Variants in ANKRD11 observed in about 807,000 individuals in gnomAD.
ANKRD11 encodes the protein ankyrin repeat domain 11.
Under a neutral mutation model 195.7 loss-of-function variants are expected in ANKRD11, and 17 were observed. The observed-to-expected ratio is 0.09, with a 90% confidence interval of 0.06 to 0.13. The LOEUF (loss-of-function observed/expected upper bound fraction) is 0.13. Ranked by LOEUF, ANKRD11 falls within the 10% of genes least tolerant of loss-of-function variation. The probability of loss-of-function intolerance (pLI) is 1.00; values close to 1 mark genes in which losing one functional copy is unlikely to be tolerated. For synonymous variants in ANKRD11, 1,953 were observed against 1,528.1 expected (o/e 1.28, Z -6.49); for missense variants, 3,735 against 3,566.1 (o/e 1.05, Z -1.21).
At chr16:89,384,305 T>A (rs989193235) in intron 2 of ANKRD11, among the ~76,000 whole-genome samples, 1 of 152,078 alleles carries the variant, frequency 6.6e-6, no homozygotes, top group Non-Finnish European at 1.5e-5. Flanking sequence ...CCGAGTTGGG[T>A]GGATCACCTG....
At chr16:89,436,680 A>G (rs1220782603) in intron 1 of ANKRD11, among the ~76,000 whole-genome samples, 1 of 152,172 alleles carries the variant, frequency 6.6e-6, no homozygotes, top group African/African-American at 2.4e-5. Flanking sequence ...TCAGATACAA[A>G]ATAAAAAGTA....
intron 2 of ANKRD11, among the ~76,000 whole-genome samples, chr16:89,331,575 G>T (rs1256506295): frequency 6.6e-6 from 1 of 152,162 alleles, no homozygotes; most frequent in Non-Finnish European, 1.5e-5. Flanking sequence ...TGGGTGTGTG[G>T]TGACACTGAG....
chr16:89,280,527 T>C lies in ANKRD11; in HGVS notation c.6015A>G (p.Pro2005=). 6.2e-7 allele frequency: 1 copy of C among 1,609,480 alleles called. No homozygotes were observed. Residue 2005 remains proline, a synonymous_variant, in exon 9 of 13, where the codon CCA becomes CCG. Coordinates refer to ENST00000301030, the MANE Select transcript of ANKRD11 (RefSeq NM_013275.6). ...GCGCCTCCGAGGCGCTGAAGGGCCC[T>C]GGGGCGGCAGAGTGGAGGGGGTCCG... ...CPADPLHSAA[P]GPFSASEAPY...
chr16:89,331,940 ACT>A (rs2038089049), intron 2 of ANKRD11, among the ~76,000 whole-genome samples: 1 of 152,150 alleles, frequency 6.6e-6, no homozygotes, highest in South Asian at 2.1e-4. Context: ...CGTCATCACC[ACT>A]GTGTTCACCA....
chr16:89,404,956 G>C (rs2041847520), intron 2 of ANKRD11, among the ~76,000 whole-genome samples: 1 of 152,184 alleles, frequency 6.6e-6, no homozygotes, highest in Non-Finnish European at 1.5e-5. Flanking sequence ...CACCATAAAT[G>C]TAGTTTGTTG....
At chr16:89,359,841 A>C (rs2039654739) in intron 2 of ANKRD11, among the ~76,000 whole-genome samples, 1 of 152,246 alleles carries the variant, frequency 6.6e-6, no homozygotes, top group African/African-American at 2.4e-5. Flanking sequence ...AAAAGCTACA[A>C]AACCCTAAGA....
chr16:89,275,991 C>T (rs531615181), intron 9 of ANKRD11, among the ~76,000 whole-genome samples: 4 of 152,186 alleles, frequency 2.6e-5, no homozygotes, highest in Non-Finnish European at 4.4e-5. Context: ...GCCGTGTGCT[C>T]GGGGCCACAG....
chr16:89,490,494 G>T lies in ANKRD11; in HGVS notation c.-394C>A. 1 of 458,086 alleles carries T rather than the reference G, an allele frequency of 2.2e-6. No homozygotes were observed. The highest frequency in any genetic ancestry group is 3.6e-5 in the South Asian group (1 of 28,034). 28.4% of individuals were successfully genotyped at this position (458,086 alleles called of 1,614,324 possible). A position where few individuals can be genotyped will look rare whatever the true frequency, so the allele number is the denominator to read the frequency against. On this transcript the variant is annotated 5_prime_UTR_variant, in exon 1 of 13. Coordinates refer to ENST00000301030, the MANE Select transcript of ANKRD11 (RefSeq NM_013275.6). ...CGCTACTGATGGGGCGTCTGGCCGC[G>T]GGCTCGGCGGCGGCGCCTCCCCGGC...
chr16:89,288,287 G>C, intron 7 of ANKRD11: 2 of 672,828 alleles, frequency 3.0e-6, no homozygotes, highest in South Asian at 1.7e-5. Context: ...CACGGCTAGC[G>C]GATACGAGCC....
intron 1 of ANKRD11, among the ~76,000 whole-genome samples, chr16:89,486,049 C>T (rs1364305024): frequency 6.6e-6 from 1 of 152,202 alleles, no homozygotes; most frequent in African/African-American, 2.4e-5. Context: ...AAAGCACTTT[C>T]TTCCCACAAA....
chr16:89,291,236 T>G lies in ANKRD11; in HGVS notation c.227-53A>C. 1.2e-6 allele frequency: 2 copies of G among 1,604,354 alleles called. No individual in the cohort carries two copies. The highest frequency in any genetic ancestry group is 2.2e-5 in the East Asian group (1 of 44,802). On this transcript the variant is annotated intron_variant, in intron 4 of 12. Transcript: ENST00000301030. This position sits in a 1 kb window ranked among gnomAD's most constrained non-coding sequence, Gnocchi z 5.3. ...GGAGAGATTTCATGCCATGGTGTCCTCCAAAGCTAGGTCCTTACCTAATGT... is the reference window on the plus strand; with the variant it reads ...GGAGAGATTTCATGCCATGGTGTCCGCCAAAGCTAGGTCCTTACCTAATGT...
chr16:89,316,882 A>C, intron 3 of ANKRD11, 51 bp downstream of exon 3: 1 of 1,592,130 alleles, frequency 6.3e-7, no homozygotes, highest in Non-Finnish European at 8.6e-7. Context: ...TTCCCACCTC[A>C]TCCCCATCTG....
chr16:89,457,858 G>A (rs1197163201), intron 1 of ANKRD11, among the ~76,000 whole-genome samples: 3 of 152,164 alleles, frequency 2.0e-5, no homozygotes, highest in East Asian at 3.9e-4. Flanking sequence ...AAGAAATCCA[G>A]GTACATGTGA....
intron 1 of ANKRD11, chr16:89,489,215 ACACACACACACGCGCGCGCGCGCGCG>A (rs2057720780): frequency 9.1e-6 from 1 of 109,406 alleles, no homozygotes; most frequent in Admixed American, 9.1e-5. Flanking sequence ...AACCCTACAC[ACACACACACACGCGCGCGCGCGCGCG>A]CGCGCACACA....
At chr16:89,452,009 A>G (rs2044098832) in intron 1 of ANKRD11, among the ~76,000 whole-genome samples, 1 of 152,098 alleles carries the variant, frequency 6.6e-6, no homozygotes, top group East Asian at 1.9e-4. Flanking sequence ...CTATAATCCC[A>G]GAACTTTGGG....
rs753869879 is a variant in ANKRD11, at chr16:89,270,926, C to G, written c.7714-17G>C. The stretch of plus-strand genomic sequence containing the variant: ...CTCGTCACCCTGTGGAAACCAAACA[C>G]GGGAGTTTCATCAGGAGCCCCAGAG... On this transcript the variant is annotated splice_polypyrimidine_tract_variant and intron_variant, in intron 11 of 12. Transcript: ENST00000301030. 1.2e-6 allele frequency: 2 copies of G among 1,613,420 alleles called. No individual in the cohort carries two copies. Among genetic ancestry groups the G allele is most frequent in the African/African-American group, 1.3e-5 (1 of 74,920 alleles).
At chr16:89,471,831 A>T (rs922702687) in intron 1 of ANKRD11, among the ~76,000 whole-genome samples, 1 of 151,156 alleles carries the variant, frequency 6.6e-6, no homozygotes, top group Non-Finnish European at 1.5e-5. Context: ...TTTACCACCC[A>T]AATCAACTCA....
At chr16:89,394,642 AC>A (rs1182709625) in intron 2 of ANKRD11, among the ~76,000 whole-genome samples, 5 of 148,194 alleles carry the variant, frequency 3.4e-5, no homozygotes, top group East Asian at 2.0e-4. Context: ...AAAAAAAAAA[AC>A]AAACAACCTT....
At chr16:89,309,147 ACT>A (rs2036469316) in intron 3 of ANKRD11, among the ~76,000 whole-genome samples, 1 of 152,128 alleles carries the variant, frequency 6.6e-6, no homozygotes. Flanking sequence ...AGGCCCACAC[ACT>A]GAGCCCTGGC....
Sources: gnomAD v4.1 joint callset for allele counts (sites outside exome capture counted in the v4.1 genomes callset) on GRCh38, gnomAD v4.1.1 for gene constraint, Gnocchi (gnomAD v3.1) non-coding constraint, MANE v1.5 for transcripts, NCBI Gene and HGNC (gene_info 2026-07-23, HGNC 2026-07-21) for gene names.